ZMYND8: variants seen among roughly 807,000 people sequenced by gnomAD.
The protein encoded by ZMYND8 is MYND-type zinc finger-containing chromatin reader ZMYND8.
A neutral mutation model predicts 140.8 loss-of-function variants in ZMYND8; 37 were observed. The observed-to-expected ratio is 0.26, with a 90% confidence interval of 0.20 to 0.35. ZMYND8 has a LOEUF of 0.35. ZMYND8 is among the 10% of genes least tolerant of loss of function. The pLI, the probability that ZMYND8 is intolerant of heterozygous loss-of-function variation, is 1.00. For missense variants in ZMYND8, 1,068 were observed against 1,570.0 expected (o/e 0.68, Z 5.40); for synonymous variants, 592 against 597.1 (o/e 0.99, Z 0.12).
At chr20:47,335,718 C>G (rs1569226164) in intron 2 of ZMYND8, among the ~76,000 whole-genome samples, 1 of 152,146 alleles carries the variant, frequency 6.6e-6, no homozygotes, top group African/African-American at 2.4e-5. Context: ...AAAAATGGGG[C>G]AAACACAAGG....
At chr20:47,286,761 T>A (rs1007087652) in intron 8 of ZMYND8, among the ~76,000 whole-genome samples, 1 of 152,176 alleles carries the variant, frequency 6.6e-6, no homozygotes, top group Non-Finnish European at 1.5e-5. Context: ...GTCTGTTCCA[T>A]CCACGCCATC....
chr20:47,262,490 G>A, intron 11 of ZMYND8, 62 bp from the exon 12 acceptor site: 1 of 1,597,300 alleles, frequency 6.3e-7, no homozygotes, highest in Non-Finnish European at 8.6e-7. Context: ...ACGTGTAGGT[G>A]TGGTGTAGGG....
chr20:47,234,561 G>C (rs534432913), intron 16 of ZMYND8, among the ~76,000 whole-genome samples: 3 of 152,266 alleles, frequency 2.0e-5, no homozygotes, highest in African/African-American at 7.2e-5. Flanking sequence ...ATCCTGAAGC[G>C]GAGAGCCCCG....
intron 13 of ZMYND8, among the ~76,000 whole-genome samples, chr20:47,248,922 TC>T (rs1011827707): frequency 2.0e-4 from 31 of 152,260 alleles, no homozygotes. Context: ...GGGTTTCGTG[TC>T]GGACACCTAC....
Position 47,217,349 on chromosome 20 carries a change from T to C in ZMYND8, c.3484+2909A>G, listed in dbSNP as rs981227453. ...ATATGGTTGCAAGCATGAGTCTGGA[T>C]TGCAAAGCTCAATTGGTTGCATATG... On this transcript the variant is annotated intron_variant, in intron 21 of 22. Coordinates refer to ENST00000471951, the MANE Select transcript of ZMYND8 (RefSeq NM_001281775.3). Among the ~76,000 whole-genome samples the C allele has an allele frequency of 2.6e-5, 4 of 152,140 alleles. No individual in the cohort carries two copies. The East Asian group carries it at 5.8e-4, about 22-fold the overall frequency.
At chr20:47,319,198 C>T in intron 2 of ZMYND8, 1 of 410,298 alleles carries the variant, frequency 2.4e-6, no homozygotes, top group South Asian at 1.9e-5. Context: ...GTCTGAAACC[C>T]AGCGACTTGC....
chr20:47,255,669 T>TACCATATACATATACTC (rs2074568828), intron 12 of ZMYND8, among the ~76,000 whole-genome samples: 1 of 122,380 alleles, frequency 8.2e-6, no homozygotes, highest in African/African-American at 3.1e-5. Flanking sequence ...AGTATATGTA[T>TACCATATACATATACTC]ATGGTGTATG....
chr20:47,327,515 G>A (rs1373013483), intron 2 of ZMYND8, among the ~76,000 whole-genome samples: 1 of 151,960 alleles, frequency 6.6e-6, no homozygotes, highest in Non-Finnish European at 1.5e-5. Context: ...TATTAGCCAG[G>A]CGTGGTGGCA....
At position 47,268,193 on chromosome 20, in the gene ZMYND8, G is replaced by C. The variant is rs569608982; in HGVS notation, c.1481-5765C>G. Among the ~76,000 whole-genome samples, 6 of 152,014 alleles carry C rather than the reference G, an allele frequency of 3.9e-5. No individual in the cohort carries two copies. The East Asian group carries it at 1.2e-3, about 30-fold the overall frequency. On this transcript the variant is annotated intron_variant, in intron 11 of 22. Transcript: ENST00000471951. Reference sequence around the variant, plus strand: ...ACAATGACGAGGCCGGTCGCAGTGAGTCTCGACTGGTCCAACACTTCGGGA... The same window carrying C: ...ACAATGACGAGGCCGGTCGCAGTGACTCTCGACTGGTCCAACACTTCGGGA...
intron 11 of ZMYND8, among the ~76,000 whole-genome samples, chr20:47,274,333 G>A (rs1354310178): frequency 6.6e-6 from 1 of 152,176 alleles, no homozygotes; most frequent in African/African-American, 2.4e-5. Context: ...TTTAGCTTAG[G>A]ACAAAGCTGC....
intron 11 of ZMYND8, among the ~76,000 whole-genome samples, chr20:47,274,683 A>C (rs2076152437): frequency 6.6e-6 from 1 of 152,240 alleles, no homozygotes; most frequent in Non-Finnish European, 1.5e-5. Context: ...ATGAGTGTCT[A>C]GGACCACACA....
intron 2 of ZMYND8, among the ~76,000 whole-genome samples, chr20:47,314,755 G>C (rs764049303): frequency 6.6e-6 from 1 of 152,214 alleles, no homozygotes; most frequent in Non-Finnish European, 1.5e-5. Flanking sequence ...TATTTGAGGG[G>C]TTGGTTCAGG....
chr20:47,272,521 G>A (rs536775926), intron 11 of ZMYND8, among the ~76,000 whole-genome samples: 2 of 152,190 alleles, frequency 1.3e-5, no homozygotes, highest in South Asian at 2.1e-4. Flanking sequence ...AACAAATACC[G>A]GTGAAGGTAA....
At chr20:47,356,387 T>G in intron 1 of ZMYND8, 1 of 1,518,384 alleles carries the variant, frequency 6.6e-7, no homozygotes, top group Non-Finnish European at 8.8e-7. Context: ...TACCAGGATC[T>G]AGCTTCAAAC....
At chr20:47,261,015 A>T (rs915209755) in intron 12 of ZMYND8, among the ~76,000 whole-genome samples, 8 of 152,144 alleles carry the variant, frequency 5.3e-5, no homozygotes, top group African/African-American at 1.9e-4. Context: ...TTAGGTTGGG[A>T]GTTCGAGACC....
At position 47,297,619 on chromosome 20, in the gene ZMYND8, C is replaced by G. The variant is rs1262768475; in HGVS notation, c.453+1110G>C. On this transcript the variant is annotated intron_variant, in intron 4 of 22. Transcript: ENST00000471951. ...TTAAACTTTCTGTGGAGATGGGGGT[C>G]TCCCTATGTTGCCCAGACAGGTCTT... Among the ~76,000 whole-genome samples the G allele has an allele frequency of 2.0e-5, 3 of 152,032 alleles. No individual in the cohort carries two copies. The South Asian group carries it at 6.2e-4, about 32-fold the overall frequency.
intron 1 of ZMYND8, chr20:47,351,920 C>G (rs1311528769): frequency 9.1e-6 from 9 of 985,206 alleles, no homozygotes; most frequent in Non-Finnish European, 1.1e-5. Flanking sequence ...ACCAACAACC[C>G]AACGTTTAGA....
intron 6 of ZMYND8, 75 bp from the exon 7 acceptor site, chr20:47,290,349 A>G (rs1050647770): frequency 3.7e-6 from 5 of 1,361,656 alleles, no homozygotes; most frequent in East Asian, 2.4e-5. Flanking sequence ...GTGTCCCCAC[A>G]TAATTTTTGT....
At chr20:47,275,386 C>T (rs1430608277) in intron 11 of ZMYND8, among the ~76,000 whole-genome samples, 3 of 151,160 alleles carry the variant, frequency 2.0e-5, no homozygotes, top group Admixed American at 6.6e-5. Context: ...CCCAGCTACT[C>T]GGGAGGCTGA....
Sources: gnomAD v4.1 joint callset for allele counts (sites outside exome capture counted in the v4.1 genomes callset) on GRCh38, gnomAD v4.1.1 for gene constraint, MANE v1.5 for transcripts, NCBI Gene and HGNC (gene_info 2026-07-23, HGNC 2026-07-21) for gene names.